ERC1: variants seen among roughly 807,000 people sequenced by gnomAD.
ERC1 encodes ELKS/RAB6-interacting/CAST family member 1, also known as RAB6 interacting protein 2.
In ERC1, 56 loss-of-function variants were observed where a neutral mutation model predicts 132.0. The observed-to-expected ratio is 0.42, with a 90% CI of 0.34 to 0.53. The LOEUF is 0.53. ERC1 is among the 20% of genes least tolerant of loss of function. The pLI is 0.03. For missense variants in ERC1, 1,202 were observed against 1,349.9 expected, an observed-to-expected ratio of 0.89 and a Z score of 1.72; for synonymous variants, 478 against 476.1, an observed-to-expected ratio of 1.00 and a Z score of -0.05.
At chr12:1,353,804 C>T (rs1045655827) in intron 15 of ERC1, among the ~76,000 whole-genome samples, 1 of 152,234 alleles carries the variant, frequency 6.6e-6, no homozygotes, top group African/African-American at 2.4e-5. Flanking sequence ...TGCAATATAG[C>T]TTCTGCCTCC....
chr12:1,133,031 T>C (rs1182010812), intron 7 of ERC1, among the ~76,000 whole-genome samples: 1 of 152,052 alleles, frequency 6.6e-6, no homozygotes, highest in African/African-American at 2.4e-5. Flanking sequence ...AATTTTTCTG[T>C]ATTTTTAGTA....
intron 18 of ERC1, among the ~76,000 whole-genome samples, chr12:1,474,410 C>T (rs141768233): frequency 6.6e-6 from 1 of 152,334 alleles, no homozygotes; most frequent in African/African-American, 2.4e-5. Context: ...AATACATCCT[C>T]CCTTTCACCT....
At chr12:1,227,513 T>G (rs2074683222) in intron 12 of ERC1, among the ~76,000 whole-genome samples, 1 of 152,208 alleles carries the variant, frequency 6.6e-6, no homozygotes, top group African/African-American at 2.4e-5. Flanking sequence ...AAAATCAGGT[T>G]GTTTTCTTGC....
chr12:1,183,196 A>G, intron 10 of ERC1, 85 bp from the exon 11 acceptor site: 1 of 876,740 alleles, frequency 1.1e-6, no homozygotes, highest in Admixed American at 3.1e-5. Context: ...TAGAAAGGAA[A>G]TTACAGCTAC....
chr12:1,327,267 C>T (rs1029666904), intron 15 of ERC1, among the ~76,000 whole-genome samples: 1 of 151,048 alleles, frequency 6.6e-6, no homozygotes, highest in Non-Finnish European at 1.5e-5. Flanking sequence ...TCTTGTGGAT[C>T]CATCCCCCAG....
At chr12:1,031,928 A>T (rs1391787937) in intron 2 of ERC1, among the ~76,000 whole-genome samples, 1 of 152,164 alleles carries the variant, frequency 6.6e-6, no homozygotes, top group African/African-American at 2.4e-5. Context: ...CCTTCATACC[A>T]GCTAAGTACA....
intron 15 of ERC1, among the ~76,000 whole-genome samples, chr12:1,346,793 T>G (rs991365696): frequency 2.0e-5 from 3 of 150,636 alleles, no homozygotes; most frequent in Non-Finnish European, 4.4e-5. Context: ...ATACAAAAAA[T>G]TAGCCGGGCG....
intron 12 of ERC1, among the ~76,000 whole-genome samples, chr12:1,196,905 TACACACACACACACACACA>T (rs1345673336): frequency 8.7e-5 from 5 of 57,718 alleles, no homozygotes; most frequent in African/African-American, 2.5e-4. Flanking sequence ...TCTGTCTCTC[TACACACACACACACACACA>T]CACACACACA....
chr12:1,471,774 C>T (rs2093866818), intron 18 of ERC1, among the ~76,000 whole-genome samples: 1 of 152,230 alleles, frequency 6.6e-6, no homozygotes, highest in Non-Finnish European at 1.5e-5. Context: ...AGAGGTCTGA[C>T]AGCTAGCAAG....
chr12:1,004,813 T>C (rs917972968), intron 1 of ERC1, among the ~76,000 whole-genome samples: 1 of 1,104 alleles, frequency 9.1e-4, no homozygotes, highest in Non-Finnish European at 6.2e-3. Context: ...TTTCTGTGTG[T>C]GTGTGTGTGT....
intron 15 of ERC1, among the ~76,000 whole-genome samples, chr12:1,343,687 A>G (rs2084139880): frequency 6.6e-6 from 1 of 152,058 alleles, no homozygotes; most frequent in South Asian, 2.1e-4. Flanking sequence ...CAAGTCTTAG[A>G]TGCTTTTTCA....
intron 16 of ERC1, among the ~76,000 whole-genome samples, chr12:1,373,366 T>C (rs890155717): frequency 2.0e-5 from 3 of 152,258 alleles, no homozygotes; most frequent in Admixed American, 2.0e-4. Flanking sequence ...TAAGCAGTTC[T>C]TGATCTCTTC....
rs1014838471 is a variant in ERC1 at position 1,484,495 on chromosome 12, G to A, written c.3214-5598G>A. Among the ~76,000 whole-genome samples the A allele has an allele frequency of 1.8e-4, 28 of 152,052 alleles. No homozygotes were observed. In the East Asian group the frequency reaches 4.1e-3, roughly 22 times the overall value. ...CCTCCCTACAATTGTCCCACAGGTCGTTGCTCTGCTGTTCCCACTTCCCAT... is the reference window on the plus strand; with the variant it reads ...CCTCCCTACAATTGTCCCACAGGTCATTGCTCTGCTGTTCCCACTTCCCAT... On this transcript the variant is annotated intron_variant, in intron 18 of 18. Transcript: ENST00000360905.
intron 16 of ERC1, among the ~76,000 whole-genome samples, chr12:1,390,248 C>T (rs12321803): frequency 0.29 from 44,325 of 151,884 alleles, 6,700 homozygotes; most frequent in Middle Eastern, 0.35. Context: ...GCCTGTTTAG[C>T]GATAAACCTG....
chr12:1,485,722 TA>T (rs1436094876), intron 18 of ERC1, among the ~76,000 whole-genome samples: 1 of 130,408 alleles, frequency 7.7e-6, no homozygotes, highest in Non-Finnish European at 1.7e-5. Context: ...CAATTAAATG[TA>T]TAGCTCTTCT....
At chr12:1,405,023 C>T (rs142381176) in intron 16 of ERC1, among the ~76,000 whole-genome samples, 9 of 151,982 alleles carry the variant, frequency 5.9e-5, no homozygotes, top group African/African-American at 1.7e-4. Context: ...GCCTCTAATC[C>T]GAGCTACTTG....
intron 2 of ERC1, among the ~76,000 whole-genome samples, chr12:1,069,371 C>G (rs1345314445): frequency 6.6e-6 from 1 of 152,148 alleles, no homozygotes; most frequent in East Asian, 1.9e-4. Flanking sequence ...GAGGCACACT[C>G]TGCTACCCAG....
chr12:1,119,940 G>A (rs910253481), intron 7 of ERC1, among the ~76,000 whole-genome samples: 6 of 151,930 alleles, frequency 3.9e-5, no homozygotes, highest in African/African-American at 1.5e-4. Flanking sequence ...TTATGACTAG[G>A]TGTTTAATTC....
chr12:1,440,451 C>A (rs1345051467), intron 17 of ERC1, among the ~76,000 whole-genome samples: 2 of 150,752 alleles, frequency 1.3e-5, no homozygotes, highest in Non-Finnish European at 3.0e-5. Context: ...CGTGATCTGC[C>A]CTCCTTGGCC....
Sources: gnomAD v4.1 joint callset for allele counts (sites outside exome capture counted in the v4.1 genomes callset) on GRCh38, gnomAD v4.1.1 for gene constraint, MANE v1.5 for transcripts, NCBI Gene and HGNC (gene_info 2026-07-23, HGNC 2026-07-21) for gene names.